The following CAMTA1 variants were observed in gnomAD, a reference collection of about 807,000 sequenced individuals.
The protein encoded by CAMTA1 is calmodulin-binding transcription activator 1.
In CAMTA1, 27 loss-of-function variants were observed where a neutral mutation model predicts 170.9. That is an observed-to-expected ratio of 0.16 (90% CI 0.12 to 0.22). The LOEUF is 0.22. CAMTA1 is among the 10% of genes least tolerant of loss of function. CAMTA1 has a pLI of 1.00. For synonymous variants in CAMTA1, 833 were observed against 891.5 expected (o/e 0.93, Z 1.17); for missense variants, 1,619 against 2,217.2 (o/e 0.73, Z 5.42).
chr1:7,722,541 G>A (rs1327895426), intron 11 of CAMTA1, among the ~76,000 whole-genome samples: 1 of 152,128 alleles, frequency 6.6e-6, no homozygotes, highest in Non-Finnish European at 1.5e-5. Flanking sequence ...CTGGGATTAT[G>A]AGTCTATTTC....
At chr1:6,868,351 A>G (rs1667358227) in intron 3 of CAMTA1, among the ~76,000 whole-genome samples, 1 of 150,888 alleles carries the variant, frequency 6.6e-6, no homozygotes, top group Admixed American at 6.6e-5. Context: ...AAACAAAACA[A>G]AAAACGACTG....
At chr1:7,660,561 G>C (rs12405864) in intron 7 of CAMTA1, among the ~76,000 whole-genome samples, 38,545 of 151,894 alleles carry the variant, frequency 0.25, 4,981 homozygotes, top group Middle Eastern at 0.36. Flanking sequence ...AGTAAAACTT[G>C]GACTCAAATC....
intron 6 of CAMTA1, among the ~76,000 whole-genome samples, chr1:7,493,168 C>CAT (rs1291452817): frequency 6.8e-6 from 1 of 147,056 alleles, no homozygotes; most frequent in Non-Finnish European, 1.5e-5. Context: ...CCTACATACA[C>CAT]GCGCACACAA....
intron 16 of CAMTA1, among the ~76,000 whole-genome samples, chr1:7,742,638 T>G (rs1310901618): frequency 1.3e-5 from 2 of 152,218 alleles, no homozygotes; most frequent in Admixed American, 1.3e-4. Flanking sequence ...ACTTAAGATG[T>G]TTTTACATTG....
intron 4 of CAMTA1, among the ~76,000 whole-genome samples, chr1:7,102,023 A>AAC (rs57209159): frequency 0.017 from 2,468 of 148,682 alleles, 30 homozygotes; most frequent in South Asian, 0.027. Flanking sequence ...ATAAATACAC[A>AAC]ACACACACAC....
intron 1 of CAMTA1, among the ~76,000 whole-genome samples, chr1:6,797,627 T>C (rs1642853660): frequency 6.6e-6 from 1 of 152,094 alleles, no homozygotes; most frequent in Non-Finnish European, 1.5e-5. Context: ...CCTCAGCTGA[T>C]CTGCCTGCCT....
At chr1:7,693,252 G>A (rs1452495319) in intron 11 of CAMTA1, 2 of 152,272 alleles carry the variant, frequency 1.3e-5, no homozygotes, top group Non-Finnish European at 2.9e-5. Flanking sequence ...GGGAGAAAGA[G>A]CTCTTACAGG....
intron 4 of CAMTA1, among the ~76,000 whole-genome samples, chr1:7,208,031 C>G (rs75133074): frequency 6.6e-6 from 1 of 152,230 alleles, no homozygotes; most frequent in Non-Finnish European, 1.5e-5. Context: ...TAACACATCC[C>G]TTCCGAGCTG....
chr1:7,745,064 G>A (rs375083774), intron 17 of CAMTA1, 42 bp downstream of exon 17: 77 of 1,532,232 alleles, frequency 5.0e-5, no homozygotes, highest in South Asian at 1.1e-4. Context: ...ATAGATTCCC[G>A]GATGTAATTG....
chr1:6,950,232 G>A (rs1411777313), intron 3 of CAMTA1, among the ~76,000 whole-genome samples: 1 of 152,212 alleles, frequency 6.6e-6, no homozygotes, highest in Admixed American at 6.5e-5. Flanking sequence ...ACACGCCCTT[G>A]CTTTGCACAC....
chr1:7,357,471 C>T (rs2085210022), intron 5 of CAMTA1, among the ~76,000 whole-genome samples: 1 of 152,192 alleles, frequency 6.6e-6, no homozygotes, highest in African/African-American at 2.4e-5. Flanking sequence ...GGGCAACTCA[C>T]TTACCTCTCT....
chr1:6,891,241 C>T (rs1296126383), intron 3 of CAMTA1, among the ~76,000 whole-genome samples: 1 of 152,156 alleles, frequency 6.6e-6, no homozygotes, highest in African/African-American at 2.4e-5. Flanking sequence ...GATCCCTTAC[C>T]TGGTTTCTTG....
chr1:6,916,641 C>T (rs577416864), intron 3 of CAMTA1, among the ~76,000 whole-genome samples: 46 of 152,292 alleles, frequency 3.0e-4, no homozygotes, highest in South Asian at 2.3e-3. Flanking sequence ...TTGTTCTGAA[C>T]ACCTGCTCTG....
chr1:6,818,946 T>TTTA (rs1261458369), intron 1 of CAMTA1, among the ~76,000 whole-genome samples: 1 of 152,030 alleles, frequency 6.6e-6, no homozygotes, highest in South Asian at 2.1e-4. Context: ...TATTTATTTA[T>TTTA]TTATTATTAT....
At chr1:7,022,388 T>G (rs1701484892) in intron 3 of CAMTA1, among the ~76,000 whole-genome samples, 2 of 152,014 alleles carry the variant, frequency 1.3e-5, no homozygotes, top group Non-Finnish European at 2.9e-5. Context: ...GGTGGGCCAG[T>G]GGTAGGGGCT....
intron 4 of CAMTA1, among the ~76,000 whole-genome samples, chr1:7,130,088 G>A (rs924904983): frequency 6.6e-6 from 1 of 151,940 alleles, no homozygotes; most frequent in Non-Finnish European, 1.5e-5. Context: ...AGGCACGTGC[G>A]TCACTATGCC....
intron 7 of CAMTA1, among the ~76,000 whole-genome samples, chr1:7,652,019 C>T (rs147871972): frequency 9.8e-5 from 15 of 152,302 alleles, no homozygotes; most frequent in African/African-American, 3.1e-4. Flanking sequence ...TGCCCCTCAG[C>T]CCCCTGCCAT....
At chr1:7,621,448 G>T (rs550298496) in intron 6 of CAMTA1, among the ~76,000 whole-genome samples, 11 of 152,370 alleles carry the variant, frequency 7.2e-5, no homozygotes, top group Middle Eastern at 3.4e-3. Flanking sequence ...GCGCCAACTG[G>T]AGACAGTGAC....
At chr1:7,362,002 T>C (rs1381944296) in intron 5 of CAMTA1, among the ~76,000 whole-genome samples, 2 of 152,246 alleles carry the variant, frequency 1.3e-5, no homozygotes, top group Non-Finnish European at 2.9e-5. Flanking sequence ...CCATAATCCA[T>C]ACATATGTCT....
Sources: gnomAD v4.1 joint callset for allele counts (sites outside exome capture counted in the v4.1 genomes callset) on GRCh38, gnomAD v4.1.1 for gene constraint, MANE v1.5 for transcripts, NCBI Gene and HGNC (gene_info 2026-07-23, HGNC 2026-07-21) for gene names.